Variants in SFRP1 observed in about 807,000 individuals in gnomAD.
SFRP1 encodes the protein secreted frizzled-related protein 1.
A neutral mutation model predicts 25.9 loss-of-function variants in SFRP1; 9 were observed. The ratio of observed to expected loss-of-function variants is 0.35; its 90% CI spans 0.21 to 0.61. SFRP1 has a LOEUF of 0.61. Ranked by LOEUF, SFRP1 falls within the 20% of genes least tolerant of loss-of-function variation. SFRP1 has a pLI of 0.78. For missense variants in SFRP1, 346 were observed against 418.2 expected (o/e 0.83, Z 1.51); for synonymous variants, 178 against 174.0 (o/e 1.02, Z -0.18).
Position 41,265,145 on chromosome 8 carries a change from CCCCACCCTG to C in SFRP1, c.*13_*21del. 1 of 1,203,840 alleles carries C rather than the reference CCCCACCCTG, an allele frequency of 8.3e-7. No homozygotes were observed. Among genetic ancestry groups the C allele is most frequent in the Non-Finnish European group, 1.2e-6 (1 of 849,982 alleles). 74.6% of individuals were successfully genotyped at this position (1,203,840 alleles called of 1,614,324 possible). On this transcript the variant is annotated 3_prime_UTR_variant, in exon 3 of 3. Transcript: ENST00000220772. The stretch of plus-strand genomic sequence containing the variant: ...GCTCCCACCCCACCCGAGGCTCCCT[CCCCACCCTG>C]CCCCCGGGAGAATCACTTAAACACG...
intron 2 of SFRP1, among the ~76,000 whole-genome samples, chr8:41,302,768 G>A (rs980220562): frequency 1.3e-5 from 2 of 152,040 alleles, no homozygotes; most frequent in Non-Finnish European, 2.9e-5. Context: ...AGGCCCCAAG[G>A]CCCCTGGCAT....
rs1282537112 is a variant in SFRP1 at position 41,309,314 on chromosome 8, C to A, written c.-155G>T. 5.6e-5 allele frequency: 48 copies of A among 859,982 alleles called. No homozygotes were observed. Among genetic ancestry groups the A allele is most frequent in the Non-Finnish European group, 7.2e-5 (48 of 663,510 alleles). 53.3% of individuals were successfully genotyped at this position (859,982 alleles called of 1,614,324 possible). On this transcript the variant is annotated 5_prime_UTR_variant, in exon 1 of 3. Coordinates refer to ENST00000220772, the MANE Select transcript of SFRP1 (RefSeq NM_003012.5). ...GCCGCAAGCTGCTGCCCGGTCCCCC[C>A]GGCCAGTGGCGGCCCTCGGCCTGCG...
chr8:41,294,726 C>T lies in SFRP1; in HGVS notation c.622+8735G>A, dbSNP rs116793652. On this transcript the variant is annotated intron_variant, in intron 2 of 2. Coordinates refer to ENST00000220772, the MANE Select transcript of SFRP1 (RefSeq NM_003012.5). ...GCCTCAGCCCTCATGCTTACAGCCCCCCAAACCTAACAGACCAACACCTTT... is the reference window on the plus strand; with the variant it reads ...GCCTCAGCCCTCATGCTTACAGCCCTCCAAACCTAACAGACCAACACCTTT... Among the ~76,000 whole-genome samples the T allele has an allele frequency of 5.9e-3, 892 of 152,272 alleles. 8 individuals are homozygous for T. The highest frequency in any genetic ancestry group is 0.02 in the African/African-American group (817 of 41,536).
In SFRP1 at chr8:41,304,414, CATT is replaced by C. The variant is rs1488737565; in HGVS notation, c.545-879_545-877del. Reference sequence around the variant, plus strand: ...TCCAAGAGCTGAAGTGGCTTATCATCATTGTCATCACCTTCACCTATCAAGCAG... The same window carrying C: ...TCCAAGAGCTGAAGTGGCTTATCATCGTCATCACCTTCACCTATCAAGCAG... On this transcript the variant is annotated intron_variant, in intron 1 of 2. Coordinates refer to ENST00000220772, the MANE Select transcript of SFRP1 (RefSeq NM_003012.5). 7.9e-5 allele frequency among the ~76,000 whole-genome samples: 12 copies of C among 151,326 alleles called. No homozygotes were observed. In the East Asian group the frequency reaches 1.2e-3, roughly 15 times the overall value.
At chr8:41,283,996 G>A (rs1373859022) in intron 2 of SFRP1, among the ~76,000 whole-genome samples, 2 of 152,146 alleles carry the variant, frequency 1.3e-5, no homozygotes, top group Non-Finnish European at 2.9e-5. Context: ...GCTGGGCCAG[G>A]GGACTCTCTG....
At chr8:41,270,138 G>A (rs1206198384) in intron 2 of SFRP1, among the ~76,000 whole-genome samples, 1 of 152,168 alleles carries the variant, frequency 6.6e-6, no homozygotes, top group African/African-American at 2.4e-5. Flanking sequence ...ATTCCAGAGA[G>A]CAAAAATCCA....
chr8:41,270,511 G>C (rs1585504695), intron 2 of SFRP1, among the ~76,000 whole-genome samples: 1 of 152,142 alleles, frequency 6.6e-6, no homozygotes, highest in Non-Finnish European at 1.5e-5. Flanking sequence ...TTGCACTCCA[G>C]GTCCCACAAA....
intron 2 of SFRP1, among the ~76,000 whole-genome samples, chr8:41,280,059 C>A (rs1044155046): frequency 7.2e-5 from 11 of 152,162 alleles, no homozygotes; most frequent in Non-Finnish European, 1.0e-4. Flanking sequence ...TTGGCGGGCA[C>A]GAGGTCCAGT....
intron 1 of SFRP1, among the ~76,000 whole-genome samples, chr8:41,308,207 G>C (rs1804022334): frequency 6.6e-6 from 1 of 152,168 alleles, no homozygotes; most frequent in African/African-American, 2.4e-5. Flanking sequence ...TTTTCCTCCC[G>C]TCTCAGAGGT....
rs561965318 is a variant in SFRP1, at chr8:41,290,886, C to CTTTTTTTTTTTTTTTTTTTTTTTT, written c.622+12551_622+12574dup. 9.3e-5 allele frequency among the ~76,000 whole-genome samples: 5 copies of CTTTTTTTTTTTTTTTTTTTTTTTT among 53,892 alleles called. 2 individuals are homozygous for CTTTTTTTTTTTTTTTTTTTTTTTT. The highest frequency in any genetic ancestry group is 2.0e-4 in the Non-Finnish European group (5 of 24,598). 35.4% of individuals were successfully genotyped at this position (53,892 alleles called of 152,430 possible). A position where few individuals can be genotyped will look rare whatever the true frequency, so the allele number is the denominator to read the frequency against. ...GTCTTCTTCTCCTCCTCTTCCTCGT[C>CTTTTTTTTTTTTTTTTTTTTTTTT]TTTTTTTTTTTTTTTTTTTTTTTTT... On this transcript the variant is annotated intron_variant, in intron 2 of 2. Coordinates refer to ENST00000220772, the MANE Select transcript of SFRP1 (RefSeq NM_003012.5).
rs1242007418 is a variant in SFRP1, at chr8:41,262,139, T to C, written c.*3028A>G. 1 of 152,500 alleles carries C rather than the reference T, an allele frequency of 6.6e-6. No homozygotes were observed. Among genetic ancestry groups the C allele is most frequent in the Non-Finnish European group, 1.5e-5 (1 of 68,020 alleles). The allele number at this position is 152,500 out of a possible 1,614,324, so 9.4% of individuals were successfully genotyped here. A position where few individuals can be genotyped will look rare whatever the true frequency, so the allele number is the denominator to read the frequency against. ...TGGAATGTAAAACATTTTCACAGTA[T>C]TCAAAGCTTTTGTAAGAGACTTAGG... On this transcript the variant is annotated 3_prime_UTR_variant, in exon 3 of 3. Transcript: ENST00000220772.
chr8:41,285,670 GC>G (rs1256071799), intron 2 of SFRP1, among the ~76,000 whole-genome samples: 2 of 152,154 alleles, frequency 1.3e-5, no homozygotes, highest in Non-Finnish European at 2.9e-5. Flanking sequence ...CTGTGGCCCA[GC>G]CCCCCAACCC....
At chr8:41,269,732 T>C (rs1803480137) in intron 2 of SFRP1, among the ~76,000 whole-genome samples, 1 of 152,178 alleles carries the variant, frequency 6.6e-6, no homozygotes, top group Non-Finnish European at 1.5e-5. Context: ...GCCAGTCATT[T>C]CATAACCAGT....
At chr8:41,280,690 T>G (rs996394754) in intron 2 of SFRP1, among the ~76,000 whole-genome samples, 11 of 152,328 alleles carry the variant, frequency 7.2e-5, no homozygotes, top group African/African-American at 2.6e-4. Context: ...AACAAAAAGC[T>G]TCCCTGTGGC....
chr8:41,265,024 T>A lies in SFRP1; in HGVS notation c.*143A>T, dbSNP rs1803416774. Reference sequence around the variant, plus strand: ...GGCTATGGAGGGAAGGGAGCGGGAATGCTGCAAGAACAAGCCGACTGGATT... The same window carrying A: ...GGCTATGGAGGGAAGGGAGCGGGAAAGCTGCAAGAACAAGCCGACTGGATT... On this transcript the variant is annotated 3_prime_UTR_variant, in exon 3 of 3. Coordinates refer to ENST00000220772, the MANE Select transcript of SFRP1 (RefSeq NM_003012.5). 2 of 639,616 alleles carry A rather than the reference T, an allele frequency of 3.1e-6. No homozygotes were observed. The highest frequency in any genetic ancestry group is 5.8e-5 in the Admixed American group (2 of 34,304). 39.6% of individuals were successfully genotyped at this position (639,616 alleles called of 1,614,324 possible).
chr8:41,271,532 C>T, intron 2 of SFRP1: 1 of 184,528 alleles, frequency 5.4e-6, no homozygotes, highest in Non-Finnish European at 1.2e-5. Context: ...GTGTTTCCAT[C>T]AGTATGCAGA....
At position 41,265,056 on chromosome 8, in the gene SFRP1, T is replaced by A; in HGVS notation, c.*111A>T. 1.4e-6 allele frequency: 1 copy of A among 714,096 alleles called. No individual in the cohort carries two copies. Among genetic ancestry groups the A allele is most frequent in the Non-Finnish European group, 2.3e-6 (1 of 434,596 alleles). 44.2% of individuals were successfully genotyped at this position (714,096 alleles called of 1,614,324 possible). On this transcript the variant is annotated 3_prime_UTR_variant, in exon 3 of 3. Coordinates refer to ENST00000220772, the MANE Select transcript of SFRP1 (RefSeq NM_003012.5). ...AGAACAAGCCGACTGGATTACAATG[T>A]CCACTACTGACAGGCGCAGTGCGTG...
intron 1 of SFRP1, 95 bp downstream of exon 1, chr8:41,308,521 A>G: frequency 9.8e-7 from 1 of 1,023,906 alleles, no homozygotes; most frequent in Non-Finnish European, 1.4e-6. Flanking sequence ...ACCGGGACCC[A>G]GCGGCGGGCG....
rs148935837 is a variant in SFRP1, at chr8:41,305,932, G to A, written c.545-2394C>T. Reference sequence around the variant, plus strand: ...CTTTCTGGGGAACAGAGGGCTCTGTGGCCTCTGCCACACTGACTAAATGCA... The same window carrying A: ...CTTTCTGGGGAACAGAGGGCTCTGTAGCCTCTGCCACACTGACTAAATGCA... On this transcript the variant is annotated intron_variant, in intron 1 of 2. Coordinates refer to ENST00000220772, the MANE Select transcript of SFRP1 (RefSeq NM_003012.5). Among the ~76,000 whole-genome samples the A allele has an allele frequency of 6.0e-3, 918 of 152,308 alleles. 10 individuals carry two copies. The highest frequency in any genetic ancestry group is 0.021 in the African/African-American group (872 of 41,572).
Sources: gnomAD v4.1 joint callset for allele counts (sites outside exome capture counted in the v4.1 genomes callset) on GRCh38, gnomAD v4.1.1 for gene constraint, MANE v1.5 for transcripts, NCBI Gene and HGNC (gene_info 2026-07-23, HGNC 2026-07-21) for gene names.